The following LRRC4C variants were observed in gnomAD, a reference collection of about 807,000 sequenced individuals.
The protein encoded by LRRC4C is leucine-rich repeat-containing protein 4C.
A neutral mutation model predicts 33.6 loss-of-function variants in LRRC4C; 5 were observed. The ratio of observed to expected loss-of-function variants is 0.15; its 90% CI spans 0.08 to 0.31. LRRC4C has a LOEUF of 0.31. Among genes scored for constraint, LRRC4C ranks in the 10% least tolerant of loss-of-function variants. The pLI, the probability that LRRC4C is intolerant of heterozygous loss-of-function variation, is 1.00. For synonymous variants in LRRC4C, 329 were observed against 302.0 expected (o/e 1.09, Z -0.93); for missense variants, 560 against 796.7 (o/e 0.70, Z 3.58).
At chr11:41,437,425 G>GCA (rs58445388) in intron 1 of LRRC4C, among the ~76,000 whole-genome samples, 4,065 of 149,240 alleles carry the variant, frequency 0.027, 59 homozygotes, top group Non-Finnish European at 0.034. Flanking sequence ...GCGCGCGCGC[G>GCA]CACACACACA....
chr11:40,228,011 C>T (rs889838634), intron 5 of LRRC4C, among the ~76,000 whole-genome samples: 1 of 152,184 alleles, frequency 6.6e-6, no homozygotes, highest in African/African-American at 2.4e-5. Context: ...AGCTGACAGA[C>T]ATGATAACTA....
chr11:41,256,939 C>T (rs12278090), intron 1 of LRRC4C, among the ~76,000 whole-genome samples: 19,986 of 151,972 alleles, frequency 0.13, 1,453 homozygotes, highest in Middle Eastern at 0.25. Flanking sequence ...TTATACCAAA[C>T]ATGCAAGATG....
chr11:41,255,751 C>T (rs528808991), intron 1 of LRRC4C, among the ~76,000 whole-genome samples: 2 of 151,990 alleles, frequency 1.3e-5, no homozygotes, highest in South Asian at 4.1e-4. Context: ...ATTACCCTTT[C>T]TATAACTCTT....
At chr11:41,386,852 A>G (rs756444450) in intron 1 of LRRC4C, among the ~76,000 whole-genome samples, 3 of 151,756 alleles carry the variant, frequency 2.0e-5, no homozygotes, top group Non-Finnish European at 4.4e-5. Flanking sequence ...CAAGTATGTA[A>G]AAGTGTGGTT....
intron 2 of LRRC4C, among the ~76,000 whole-genome samples, chr11:40,878,160 T>C (rs1355517409): frequency 2.6e-5 from 4 of 152,132 alleles, no homozygotes; most frequent in South Asian, 4.1e-4. Context: ...GATAACATAA[T>C]GGGTGGACCG....
chr11:40,636,616 T>C (rs1941765908), intron 3 of LRRC4C, among the ~76,000 whole-genome samples: 1 of 152,158 alleles, frequency 6.6e-6, no homozygotes, highest in South Asian at 2.1e-4. Context: ...GGTCACCATC[T>C]AGCATACCAG....
At chr11:40,934,615 CCA>C (rs1188923873) in intron 1 of LRRC4C, among the ~76,000 whole-genome samples, 1 of 152,096 alleles carries the variant, frequency 6.6e-6, no homozygotes, top group Non-Finnish European at 1.5e-5. Context: ...ACCGTTCTCT[CCA>C]GTTTTCCTCC....
At chr11:40,258,789 T>C (rs1230908865) in intron 4 of LRRC4C, among the ~76,000 whole-genome samples, 1 of 152,168 alleles carries the variant, frequency 6.6e-6, no homozygotes, top group African/African-American at 2.4e-5. Context: ...CCCACCTAAG[T>C]GGGTGAAGCA....
chr11:40,348,815 G>A (rs1947253530), intron 3 of LRRC4C, among the ~76,000 whole-genome samples: 1 of 152,180 alleles, frequency 6.6e-6, no homozygotes, highest in African/African-American at 2.4e-5. Context: ...AAGTTTGTGT[G>A]AGAAATGAGA....
At chr11:40,735,306 C>A (rs1947801424) in intron 2 of LRRC4C, among the ~76,000 whole-genome samples, 1 of 151,062 alleles carries the variant, frequency 6.6e-6, no homozygotes, top group Non-Finnish European at 1.5e-5. Flanking sequence ...TGTTATCCCT[C>A]CCCACTCCCC....
chr11:40,757,600 T>G (rs920419197), intron 2 of LRRC4C, among the ~76,000 whole-genome samples: 3 of 5,634 alleles, frequency 5.3e-4, no homozygotes, highest in Non-Finnish European at 1.1e-3. Flanking sequence ...AAACTTTGAG[T>G]TTTTTTTTTT....
At chr11:40,326,564 A>G (rs1049610830) in intron 3 of LRRC4C, among the ~76,000 whole-genome samples, 3 of 152,140 alleles carry the variant, frequency 2.0e-5, no homozygotes, top group Non-Finnish European at 4.4e-5. Flanking sequence ...AAAAAAAAAA[A>G]AAAAGAAGAA....
At chr11:41,288,805 C>T (rs1203042418) in intron 1 of LRRC4C, among the ~76,000 whole-genome samples, 1 of 152,114 alleles carries the variant, frequency 6.6e-6, no homozygotes, top group East Asian at 1.9e-4. Flanking sequence ...TCATTGTTGG[C>T]AGAATCCATT....
intron 5 of LRRC4C, among the ~76,000 whole-genome samples, chr11:40,160,107 T>A (rs534850482): frequency 3.9e-5 from 6 of 152,036 alleles, no homozygotes; most frequent in African/African-American, 1.2e-4. Flanking sequence ...ACAATGGAGG[T>A]GGTCATCCGT....
intron 3 of LRRC4C, among the ~76,000 whole-genome samples, chr11:40,487,328 G>T (rs1156795026): frequency 6.6e-6 from 1 of 151,984 alleles, no homozygotes; most frequent in Admixed American, 6.6e-5. Context: ...GACTCTTGTG[G>T]TTATACAAGA....
chr11:41,452,212 G>T lies in LRRC4C; in HGVS notation c.-496+7219C>A, dbSNP rs1002997859. Among the ~76,000 whole-genome samples, 5 of 152,168 alleles carry T rather than the reference G, an allele frequency of 3.3e-5. No homozygotes were observed. The East Asian group carries it at 7.7e-4, about 24-fold the overall frequency. On this transcript the variant is annotated intron_variant, in intron 1 of 6. Transcript: ENST00000528697. ...GAAAAAATGTACACCCTGCACCATT[G>T]TGTGCTTACTTGGCCTTTGTTTCTG...
intron 3 of LRRC4C, among the ~76,000 whole-genome samples, chr11:40,477,423 C>A (rs117111607): frequency 0.015 from 2,233 of 152,122 alleles, 26 homozygotes; most frequent in Non-Finnish European, 0.022. Context: ...TTGGTATAAC[C>A]CACCTCTTCT....
chr11:40,900,546 C>T (rs1956156738), intron 2 of LRRC4C, among the ~76,000 whole-genome samples: 1 of 151,980 alleles, frequency 6.6e-6, no homozygotes, highest in Non-Finnish European at 1.5e-5. Context: ...TGGTTTCATG[C>T]TAATTCCAGG....
At chr11:40,363,000 G>A (rs1324084409) in intron 3 of LRRC4C, among the ~76,000 whole-genome samples, 1 of 152,176 alleles carries the variant, frequency 6.6e-6, no homozygotes, top group Non-Finnish European at 1.5e-5. Context: ...GTGGAAGACA[G>A]TGTAGTGATG....
Sources: allele counts gnomAD v4.1 joint callset (sites outside exome capture counted in the v4.1 genomes callset), GRCh38; gene constraint gnomAD v4.1.1; transcripts MANE v1.5; gene names NCBI Gene and HGNC (gene_info 2026-07-23, HGNC 2026-07-21).